Variants in CUL7 observed in about 807,000 individuals in gnomAD.
The protein encoded by CUL7 is cullin 7, also known as cullin-7.
A neutral mutation model predicts 177.7 loss-of-function variants in CUL7; 96 were observed. The ratio of observed to expected loss-of-function variants is 0.54; its 90% CI spans 0.46 to 0.64. The LOEUF is 0.64. CUL7 is among the 30% of genes least tolerant of loss of function. CUL7 has a pLI of 0.00. For missense variants in CUL7, 1,893 were observed against 2,187.9 expected, an observed-to-expected ratio of 0.87 and a Z score of 2.69; for synonymous variants, 824 against 890.2, an observed-to-expected ratio of 0.93 and a Z score of 1.32.
intron 7 of CUL7, among the ~76,000 whole-genome samples, chr6:43,049,093 A>G (rs536452821): frequency 1.6e-4 from 25 of 152,344 alleles, no homozygotes; most frequent in African/African-American, 6.0e-4. Context: ...AAAATAGCAA[A>G]GTAGCTTCAT....
In CUL7 at chr6:43,045,802, A is replaced by C; in HGVS notation, c.2767-120T>G. On this transcript the variant is annotated intron_variant, in intron 13 of 25. Coordinates refer to ENST00000265348, the MANE Select transcript of CUL7 (RefSeq NM_014780.5). The surrounding 1 kb of genome is among the most constrained non-coding windows in gnomAD (Gnocchi z 4.8). ...CCCTGGGATGTGTAGGGTCCTGACA[A>C]AGCTGTCCTCATGCCACCCTCATTG... The C allele has an allele frequency of 8.1e-7, 1 of 1,234,652 alleles. No homozygotes were observed. Among genetic ancestry groups the C allele is most frequent in the Non-Finnish European group, 1.2e-6 (1 of 851,828 alleles). The allele number at this position is 1,234,652 out of a possible 1,614,324, so 76.5% of individuals were successfully genotyped here. A position where few individuals can be genotyped will look rare whatever the true frequency, so the allele number is the denominator to read the frequency against.
At position 43,038,948 on chromosome 6, in the gene CUL7, C is replaced by T. The variant is rs756768833; in HGVS notation, c.4334G>A (p.Arg1445Gln). 1.2e-5 allele frequency: 19 copies of T among 1,612,804 alleles called. No individual in the cohort carries two copies. The highest frequency in any genetic ancestry group is 1.4e-5 in the Non-Finnish European group (17 of 1,178,918). Residue 1445 changes from arginine to glutamine, a missense_variant, in exon 23 of 26, where the codon CGA (arginine) becomes CAA (glutamine). Physicochemically the swap from Arg to Gln is conservative, Grantham distance 43 (BLOSUM62 1). Transcript: ENST00000265348. Reference protein sequence around the residue: ...HPALERGSQRRLQWTWLGWAE... With the variant: ...HPALERGSQRQLQWTWLGWAE... The stretch of plus-strand genomic sequence containing the variant: ...CCAGCCCAGCCACGTCCACTGCAGT[C>T]GCCTCTGTGAGCCTCGCTCAAGGGC...
intron 19 of CUL7, 31 bp from the exon 20 acceptor site, chr6:43,041,106 G>C: frequency 6.2e-7 from 1 of 1,611,274 alleles, no homozygotes; most frequent in Non-Finnish European, 8.5e-7. Context: ...GGAAAGCCAT[G>C]AATGAGCGAG....
Position 43,051,335 on chromosome 6 carries a change from C to G in CUL7, c.866G>C (p.Arg289Thr), listed in dbSNP as rs753386800. ...TSAPEELSGE[R>T]GQLELEFSMA... ...ACTGAACTCCAGCTCCAGTTGACCC[C>G]TCTCCCCACTCAACTCCTCAGGAGC... Residue 289 changes from arginine to threonine, a missense_variant, in exon 4 of 26, where the codon AGG (arginine) becomes ACG (threonine). Coordinates refer to ENST00000265348, the MANE Select transcript of CUL7 (RefSeq NM_014780.5). The surrounding 1 kb of genome is among the most constrained non-coding windows in gnomAD (Gnocchi z 5.0). 1.7e-5 allele frequency: 27 copies of G among 1,611,656 alleles called. No individual in the cohort carries two copies. In the Admixed American group the frequency reaches 3.3e-4, roughly 20 times the overall value.
Position 43,043,421 on chromosome 6 carries a change from C to T in CUL7, c.3355+27G>A, listed in dbSNP as rs760472416. The T allele has an allele frequency of 9.3e-6, 15 of 1,611,526 alleles. No homozygotes were observed. The highest frequency in any genetic ancestry group is 1.7e-5 in the Admixed American group (1 of 60,004). ...CCCAGGAAAACGCTCCTGACTAGAG[C>T]TCCCCACCTGAATCTCCACTACTCA... is the stretch of plus-strand genomic sequence containing the variant. On this transcript the variant is annotated intron_variant, in intron 17 of 25. Coordinates refer to ENST00000265348, the MANE Select transcript of CUL7 (RefSeq NM_014780.5). The surrounding 1 kb of genome is among the most constrained non-coding windows in gnomAD (Gnocchi z 4.2).
In CUL7 at chr6:43,045,116, C is replaced by G; in HGVS notation, c.3038+111G>C. ...GCTCAGAAAACTCCAGCCCCCTCCC[C>G]ACGCATATTAAACCTCCATCTCACA... On this transcript the variant is annotated intron_variant, in intron 15 of 25. Coordinates refer to ENST00000265348, the MANE Select transcript of CUL7 (RefSeq NM_014780.5). This position sits in a 1 kb window ranked among gnomAD's most constrained non-coding sequence, Gnocchi z 4.8. 7.0e-7 allele frequency: 1 copy of G among 1,427,296 alleles called. No homozygotes were observed. Among genetic ancestry groups the G allele is most frequent in the Non-Finnish European group, 9.6e-7 (1 of 1,039,336 alleles). The allele number at this position is 1,427,296 out of a possible 1,614,324, so 88.4% of individuals were successfully genotyped here.
rs1160011294 is a variant in CUL7 at position 43,040,208 on chromosome 6, C to T, written c.4242G>A (p.Leu1414=). Residue 1414 remains leucine, a synonymous_variant, in exon 22 of 26, where the codon CTG becomes CTA. Coordinates refer to ENST00000265348, the MANE Select transcript of CUL7 (RefSeq NM_014780.5). This position sits in a 1 kb window ranked among gnomAD's most constrained non-coding sequence, Gnocchi z 4.2. ...TCAAAGTGCCCCTCAGGTAGGAGGG[C>T]AGGCAGGTTCTGGGGTTCAGTGTGT... ...ICHTLNPRTC[L]PSYLRGTLNR... 1 of 1,614,192 alleles carries T rather than the reference C, an allele frequency of 6.2e-7. No homozygotes were observed. The highest frequency in any genetic ancestry group is 1.1e-5 in the South Asian group (1 of 91,090).
In CUL7 at chr6:43,046,543, A is replaced by G; in HGVS notation, c.2456T>C (p.Phe819Ser). Residue 819 changes from phenylalanine to serine, a missense_variant, in exon 11 of 26, where the codon TTC (phenylalanine) becomes TCC (serine). Transcript: ENST00000265348. ...RRTHQPINIP[F>S]FDVFLRYLCQ... The stretch of plus-strand genomic sequence containing the variant: ...CAGGTATCTGAGGAACACATCAAAG[A>G]AAGGGATGTTGATGGGTTGGTGGGT... 1 of 1,614,166 alleles carries G rather than the reference A, an allele frequency of 6.2e-7. No individual in the cohort carries two copies.
In CUL7 at chr6:43,038,824, G is replaced by A. The variant is rs753530058; in HGVS notation, c.4440+18C>T. On this transcript the variant is annotated intron_variant, in intron 23 of 25. Coordinates refer to ENST00000265348, the MANE Select transcript of CUL7 (RefSeq NM_014780.5). ...ACAAAGTGGGAGACAGGAGAGAGGT[G>A]CAGCGGGGCTGGGCCACCTTCAGGT... 8 of 1,614,074 alleles carry A rather than the reference G, an allele frequency of 5.0e-6. No individual in the cohort carries two copies. Among genetic ancestry groups the A allele is most frequent in the Admixed American group, 1.7e-5 (1 of 60,002 alleles).
At position 43,046,890 on chromosome 6, in the gene CUL7, C is replaced by G. The variant is rs1057178107; in HGVS notation, c.2387G>C (p.Gly796Ala). Residue 796 changes from glycine to alanine, a missense_variant, in exon 10 of 26, where the codon GGC becomes GCC. Around this residue, in one of 5 missense-constraint regions of CUL7, gnomAD observed 973 missense variants for 1,140.9 expected, o/e 0.85. Coordinates refer to ENST00000265348, the MANE Select transcript of CUL7 (RefSeq NM_014780.5). Reference protein sequence around the residue: ...YRKLITNILGGCIQMVLGQIE... With the variant: ...YRKLITNILGACIQMVLGQIE... ...CCCCTTCCTCCTGACCTGGATGCAG[C>G]CTCCCAGGATGTTGGTGATGAGTTT... 1.9e-6 allele frequency: 3 copies of G among 1,596,038 alleles called. No homozygotes were observed. The highest frequency in any genetic ancestry group is 2.6e-6 in the Non-Finnish European group (3 of 1,163,596).
intron 9 of CUL7, 165 bp downstream of exon 9, chr6:43,047,983 G>A: frequency 3.3e-6 from 2 of 612,006 alleles, no homozygotes. Flanking sequence ...CCATGTGAAT[G>A]TATTACCTAT....
At position 43,045,850 on chromosome 6, in the gene CUL7, A is replaced by G; in HGVS notation, c.2766+136T>C. The G allele has an allele frequency of 1.9e-6, 2 of 1,070,344 alleles. No individual in the cohort carries two copies. The highest frequency in any genetic ancestry group is 3.9e-5 in the Admixed American group (2 of 50,788). The allele number at this position is 1,070,344 out of a possible 1,614,324, so 66.3% of individuals were successfully genotyped here. ...TTGTTCAGGGCCTGGTGGCACAAGCACAGGGATAAAGGACACTACTTTCTG... is the reference window on the plus strand; with the variant it reads ...TTGTTCAGGGCCTGGTGGCACAAGCGCAGGGATAAAGGACACTACTTTCTG... On this transcript the variant is annotated intron_variant, in intron 13 of 25. Transcript: ENST00000265348. This position sits in a 1 kb window ranked among gnomAD's most constrained non-coding sequence, Gnocchi z 4.8.
chr6:43,046,417 A>C lies in CUL7; in HGVS notation c.2489-10T>G. On this transcript the variant is annotated splice_polypyrimidine_tract_variant and intron_variant, in intron 11 of 25. Transcript: ENST00000265348. ...ACTTCCACACTGGAGCCTGGGGGCA[A>C]GTGGGAAGGGGTGGTGGTCACGGTC... 1 of 1,614,162 alleles carries C rather than the reference A, an allele frequency of 6.2e-7. No individual in the cohort carries two copies. The highest frequency in any genetic ancestry group is 8.5e-7 in the Non-Finnish European group (1 of 1,180,026).
Position 43,040,064 on chromosome 6 carries a change from C to T in CUL7, c.4294+92G>A, listed in dbSNP as rs1763276241. ...AAAGACTATCTCTTTTTACATCAAG[C>T]CTCCCAACATCAGGGTCTGCCCCCA... On this transcript the variant is annotated intron_variant, in intron 22 of 25. Transcript: ENST00000265348. This position sits in a 1 kb window ranked among gnomAD's most constrained non-coding sequence, Gnocchi z 4.2. The T allele has an allele frequency of 1.4e-6, 2 of 1,449,858 alleles. No homozygotes were observed. The highest frequency in any genetic ancestry group is 2.3e-5 in the East Asian group (1 of 44,132). 89.8% of individuals were successfully genotyped at this position (1,449,858 alleles called of 1,614,324 possible). A position where few individuals can be genotyped will look rare whatever the true frequency, so the allele number is the denominator to read the frequency against.
In CUL7 at chr6:43,044,760, G is replaced by T; in HGVS notation, c.3164C>A (p.Thr1055Asn). ...GATGTCAGGATGGTTACCAGGGGAG[G>T]TGATGTTCTGCACCACGGGGCTGAC... ...ALVSPVVQNI[T>N]SPDEDGISPL... The change falls in exon 16 of 26, where the codon ACC becomes AAC. Residue 1055 changes from threonine (T) to asparagine (N), a missense_variant. Coordinates refer to ENST00000265348, the MANE Select transcript of CUL7 (RefSeq NM_014780.5). 6.2e-7 allele frequency: 1 copy of T among 1,610,126 alleles called. No homozygotes were observed. The highest frequency in any genetic ancestry group is 8.5e-7 in the Non-Finnish European group (1 of 1,176,742).
At position 43,052,546 on chromosome 6, in the gene CUL7, C is replaced by A. The variant is rs1204889042; in HGVS notation, c.243G>T (p.Met81Ile). 6.2e-7 allele frequency: 1 copy of A among 1,614,134 alleles called. No homozygotes were observed. Among genetic ancestry groups the A allele is most frequent in the Non-Finnish European group, 8.5e-7 (1 of 1,180,048 alleles). ...CGATGACCTGGCCATCCTCGCCCAG[C>A]ATCTTGTGGCAGTTGGCATAGATCT... ...KDEIYANCHK[M>I]LGEDGQVIGP... Residue 81 changes from methionine to isoleucine, a missense_variant, in exon 2 of 26, where the codon ATG becomes ATT. Physicochemically the swap from Met to Ile is conservative, Grantham distance 10. Around this residue, in one of 5 missense-constraint regions of CUL7, gnomAD observed 653 missense variants for 725.2 expected, o/e 0.90. Coordinates refer to ENST00000265348, the MANE Select transcript of CUL7 (RefSeq NM_014780.5). This position sits in a 1 kb window ranked among gnomAD's most constrained non-coding sequence, Gnocchi z 4.5.
chr6:43,041,067 C>T lies in CUL7; in HGVS notation c.3654G>A (p.Glu1218=), dbSNP rs766332930. Residue 1218 remains glutamate, a synonymous_variant, in exon 20 of 26, where the codon GAG becomes GAA. Transcript: ENST00000265348. ...LPFLKAAHVS[E]QFARHIDQQI... The stretch of plus-strand genomic sequence containing the variant: ...GCTGGTCAATGTGCCGGGCGAACTG[C>T]TCACTCACCTGAGCAATGGCAGAGC... 4 of 1,613,748 alleles carry T rather than the reference C, an allele frequency of 2.5e-6. No individual in the cohort carries two copies. Among genetic ancestry groups the T allele is most frequent in the African/African-American group, 2.7e-5 (2 of 74,920 alleles).
In CUL7 at chr6:43,053,823, T is replaced by C. The variant is rs996678944; in HGVS notation, c.-210A>G. 7.2e-6 allele frequency: 11 copies of C among 1,532,822 alleles called. No homozygotes were observed. The highest frequency in any genetic ancestry group is 1.4e-5 in the African/African-American group (1 of 72,870). 95.0% of individuals were successfully genotyped at this position (1,532,822 alleles called of 1,614,324 possible). A position where few individuals can be genotyped will look rare whatever the true frequency, so the allele number is the denominator to read the frequency against. On this transcript the variant is annotated 5_prime_UTR_variant, in exon 1 of 26. Transcript: ENST00000265348. The surrounding 1 kb of genome is among the most constrained non-coding windows in gnomAD (Gnocchi z 4.1). Reference sequence around the variant, plus strand: ...CTGGGGCAGGGTGGGGCCCGGTCCCTGCCAGCGGCTCCGCCAGCCAAAAGC... The same window carrying C: ...CTGGGGCAGGGTGGGGCCCGGTCCCCGCCAGCGGCTCCGCCAGCCAAAAGC...
chr6:43,043,220 A>AG lies in CUL7; in HGVS notation c.3356-41dup. On this transcript the variant is annotated intron_variant, in intron 17 of 25. Transcript: ENST00000265348. This position sits in a 1 kb window ranked among gnomAD's most constrained non-coding sequence, Gnocchi z 4.2. ...AAAGTGGCAGAGGCAAGGAGGGTGC[A>AG]GCCCCTCCACTCCCAAGTCCCCATC... 1 of 1,522,280 alleles carries AG rather than the reference A, an allele frequency of 6.6e-7. No homozygotes were observed. Among genetic ancestry groups the AG allele is most frequent in the Non-Finnish European group, 9.1e-7 (1 of 1,100,010 alleles). The allele number at this position is 1,522,280 out of a possible 1,614,324, so 94.3% of individuals were successfully genotyped here.
Sources: gnomAD v4.1 joint callset for allele counts (sites outside exome capture counted in the v4.1 genomes callset) on GRCh38, gnomAD v4.1.1 for gene constraint, gnomAD v4.1.1 regional missense constraint, Gnocchi (gnomAD v3.1) non-coding constraint, MANE v1.5 for transcripts, NCBI Gene and HGNC (gene_info 2026-07-23, HGNC 2026-07-21) for gene names.